PKN2: variants seen among roughly 807,000 people sequenced by gnomAD.
PKN2 encodes the protein serine/threonine-protein kinase N2.
PKN2 carries 38 observed loss-of-function variants against 119.1 expected under a neutral mutation model. That is an observed-to-expected ratio of 0.32 (90% CI 0.25 to 0.42). PKN2 has a LOEUF of 0.42. Among genes scored for constraint, PKN2 ranks in the 10% least tolerant of loss-of-function variants. The pLI, the probability that PKN2 is intolerant of heterozygous loss-of-function variation, is 1.00. For synonymous variants in PKN2, 390 were observed against 384.9 expected (o/e 1.01, Z -0.15); for missense variants, 850 against 1,165.1 (o/e 0.73, Z 3.94).
intron 16 of PKN2, among the ~76,000 whole-genome samples, chr1:88,816,391 C>T (rs775466666): frequency 7.9e-5 from 12 of 151,928 alleles, no homozygotes; most frequent in Admixed American, 2.0e-4. Context: ...GGACTACAGG[C>T]GCGTGCCACC....
At chr1:88,703,517 T>C (rs1666856112) in intron 1 of PKN2, among the ~76,000 whole-genome samples, 1 of 152,200 alleles carries the variant, frequency 6.6e-6, no homozygotes. Flanking sequence ...AACTGGCATT[T>C]GAAACTAGGT....
intron 15 of PKN2, among the ~76,000 whole-genome samples, chr1:88,811,963 T>C (rs905294286): frequency 6.6e-6 from 1 of 152,110 alleles, no homozygotes; most frequent in Non-Finnish European, 1.5e-5. Flanking sequence ...TGGGTTTTGG[T>C]AGACAGAAGT....
intron 16 of PKN2, among the ~76,000 whole-genome samples, chr1:88,817,531 C>T (rs1179621861): frequency 2.0e-5 from 3 of 151,392 alleles, no homozygotes; most frequent in African/African-American, 7.3e-5. Flanking sequence ...CATGGTGAAA[C>T]CCCATCTCTA....
intron 1 of PKN2, among the ~76,000 whole-genome samples, chr1:88,702,959 G>T (rs1023979986): frequency 6.6e-6 from 1 of 152,090 alleles, no homozygotes; most frequent in Admixed American, 6.5e-5. Flanking sequence ...AACTTTTAAT[G>T]AATTAAAATA....
At chr1:88,696,545 T>C (rs1666549178) in intron 1 of PKN2, among the ~76,000 whole-genome samples, 2 of 152,220 alleles carry the variant, frequency 1.3e-5, no homozygotes, top group African/African-American at 4.8e-5. Context: ...TCATTGCACA[T>C]AGACCACAGC....
At chr1:88,723,164 A>C (rs1404394465) in intron 1 of PKN2, among the ~76,000 whole-genome samples, 1 of 151,562 alleles carries the variant, frequency 6.6e-6, no homozygotes. Context: ...CCCAGGCTGG[A>C]GTGCAGTGGC....
intron 2 of PKN2, among the ~76,000 whole-genome samples, chr1:88,752,108 C>G (rs923691816): frequency 6.6e-6 from 1 of 152,186 alleles, no homozygotes; most frequent in African/African-American, 2.4e-5. Context: ...AGCCTCTGTC[C>G]CTTTGAATGT....
At chr1:88,729,937 G>A (rs976938498) in intron 1 of PKN2, among the ~76,000 whole-genome samples, 8 of 152,096 alleles carry the variant, frequency 5.3e-5, no homozygotes, top group African/African-American at 1.7e-4. Context: ...AGGCCAAGGC[G>A]GGCGGATCAC....
intron 8 of PKN2, among the ~76,000 whole-genome samples, chr1:88,804,019 G>C (rs561129440): frequency 6.6e-6 from 1 of 152,068 alleles, no homozygotes; most frequent in Non-Finnish European, 1.5e-5. Context: ...CAAGCATTGG[G>C]GTAGTAACAT....
intron 4 of PKN2, among the ~76,000 whole-genome samples, 162 bp downstream of exon 4, chr1:88,770,631 G>C (rs1344780618): frequency 6.7e-6 from 1 of 150,322 alleles, no homozygotes; most frequent in East Asian, 1.9e-4. Flanking sequence ...TGTCGCCCAG[G>C]CTGGAGTGCA....
chr1:88,820,892 A>G (rs528003894), intron 16 of PKN2, among the ~76,000 whole-genome samples: 1 of 152,350 alleles, frequency 6.6e-6, no homozygotes, highest in African/African-American at 2.4e-5. Flanking sequence ...TCCTTGTTCA[A>G]TAAGCCTATC....
At chr1:88,779,918 G>A (rs1670265749) in intron 6 of PKN2, among the ~76,000 whole-genome samples, 1 of 152,192 alleles carries the variant, frequency 6.6e-6, no homozygotes, top group South Asian at 2.1e-4. Flanking sequence ...GGCCACATCA[G>A]GATTTTGTTT....
intron 2 of PKN2, among the ~76,000 whole-genome samples, chr1:88,744,435 T>C (rs1668689545): frequency 6.6e-6 from 1 of 152,196 alleles, no homozygotes; most frequent in African/African-American, 2.4e-5. Context: ...TTTTTCTTTG[T>C]TTTTGAGACT....
chr1:88,720,864 G>A (rs1262594464), intron 1 of PKN2, among the ~76,000 whole-genome samples: 6 of 152,198 alleles, frequency 3.9e-5, no homozygotes, highest in Non-Finnish European at 8.8e-5. Flanking sequence ...ACTTATGAGT[G>A]AGAACATATG....
chr1:88,798,857 C>CA (rs939407031), intron 8 of PKN2, among the ~76,000 whole-genome samples: 26 of 152,034 alleles, frequency 1.7e-4, no homozygotes, highest in Non-Finnish European at 2.9e-5. Flanking sequence ...TAGCTGCGTT[C>CA]AAAAAACCTT....
intron 2 of PKN2, among the ~76,000 whole-genome samples, chr1:88,755,043 A>G (rs2100771020): frequency 6.6e-6 from 1 of 152,328 alleles, no homozygotes; most frequent in East Asian, 1.9e-4. Context: ...TTCTTTAGCC[A>G]GCAAAGTATG....
intron 6 of PKN2, chr1:88,781,270 G>A: frequency 2.0e-6 from 1 of 512,518 alleles, no homozygotes. Flanking sequence ...AAATTTGCCA[G>A]TTTGTTGCTA....
chr1:88,767,476 T>C (rs1270324228), intron 3 of PKN2, among the ~76,000 whole-genome samples: 1 of 152,170 alleles, frequency 6.6e-6, no homozygotes, highest in Non-Finnish European at 1.5e-5. Flanking sequence ...ATTTCATCAT[T>C]GTGCGGGTAT....
intron 1 of PKN2, among the ~76,000 whole-genome samples, chr1:88,686,189 A>G (rs993330416): frequency 1.3e-5 from 2 of 152,164 alleles, no homozygotes; most frequent in African/African-American, 4.8e-5. Flanking sequence ...AGTCAGAAAT[A>G]CTTTACATTG....
Sources: allele counts gnomAD v4.1 joint callset (sites outside exome capture counted in the v4.1 genomes callset), GRCh38; gene constraint gnomAD v4.1.1; transcripts MANE v1.5; gene names NCBI Gene and HGNC (gene_info 2026-07-23, HGNC 2026-07-21).